Variants in ARHGAP42 observed in about 807,000 individuals in gnomAD.
ARHGAP42 encodes Rho GTPase activating protein 42, also known as rho GTPase-activating protein 42.
A neutral mutation model predicts 125.0 loss-of-function variants in ARHGAP42; 63 were observed. That is an observed-to-expected ratio of 0.50 (90% CI 0.41 to 0.62). The LOEUF (loss-of-function observed/expected upper bound fraction) is 0.62. Ranked by LOEUF, ARHGAP42 falls within the 20% of genes least tolerant of loss-of-function variation. The pLI is 0.00. For synonymous variants in ARHGAP42, 339 were observed against 351.0 expected, an observed-to-expected ratio of 0.97 and a Z score of 0.38; for missense variants, 766 against 1,024.2, an observed-to-expected ratio of 0.75 and a Z score of 3.44.
chr11:100,751,843 G>A lies in ARHGAP42; in HGVS notation c.155-18500G>A, dbSNP rs188069928. Among the ~76,000 whole-genome samples the A allele has an allele frequency of 8.0e-3, 1,148 of 143,558 alleles. 15 individuals are homozygous for A. Among genetic ancestry groups the A allele is most frequent in the African/African-American group, 0.028 (1,082 of 38,448 alleles). 94.2% of individuals were successfully genotyped at this position (143,558 alleles called of 152,430 possible). ...CGCCCAGGCTGGAGTGCAATGGTGC[G>A]ATCTTGGCTCACTGCAACCTCTGCC... On this transcript the variant is annotated intron_variant, in intron 1 of 23. Coordinates refer to ENST00000298815, the MANE Select transcript of ARHGAP42 (RefSeq NM_152432.4).
At chr11:100,742,173 C>G (rs903493975) in intron 1 of ARHGAP42, among the ~76,000 whole-genome samples, 4 of 152,190 alleles carry the variant, frequency 2.6e-5, no homozygotes, top group Admixed American at 1.3e-4. Flanking sequence ...TAATTCCTCA[C>G]CAGGCTAACT....
intron 1 of ARHGAP42, among the ~76,000 whole-genome samples, chr11:100,693,640 G>A (rs2120174263): frequency 6.6e-6 from 1 of 152,160 alleles, no homozygotes; most frequent in East Asian, 1.9e-4. Context: ...TCCTGGGTTC[G>A]GTCAGAGAAT....
intron 10 of ARHGAP42, among the ~76,000 whole-genome samples, chr11:100,948,208 C>G (rs1868074503): frequency 6.6e-6 from 1 of 151,924 alleles, no homozygotes; most frequent in Non-Finnish European, 1.5e-5. Flanking sequence ...CTGTCCTGTA[C>G]CAAAAACACT....
intron 12 of ARHGAP42, among the ~76,000 whole-genome samples, chr11:100,956,570 C>T (rs1036988499): frequency 6.3e-4 from 84 of 133,316 alleles, no homozygotes; most frequent in African/African-American, 2.2e-3. Context: ...ATCACATGAC[C>T]AAGCCTGGCT....
At chr11:100,783,153 T>G (rs1198874189) in intron 2 of ARHGAP42, among the ~76,000 whole-genome samples, 1 of 152,160 alleles carries the variant, frequency 6.6e-6, no homozygotes, top group Non-Finnish European at 1.5e-5. Context: ...ACACTAGTCT[T>G]GGCTGGTCAT....
Position 100,993,747 on chromosome 11 carries a change from A to G in ARHGAP42, c.*4946A>G, listed in dbSNP as rs1591348564. ...TAAATATAAAAGTGATTGTCCATAA[A>G]TTATCATTGAATTTTTTGTTTATTT... On this transcript the variant is annotated 3_prime_UTR_variant, in exon 24 of 24. Transcript: ENST00000298815. The G allele has an allele frequency of 6.0e-6, 1 of 167,060 alleles. No homozygotes were observed. Among genetic ancestry groups the G allele is most frequent in the African/African-American group, 2.4e-5 (1 of 41,446 alleles). 10.3% of individuals were successfully genotyped at this position (167,060 alleles called of 1,614,324 possible).
In ARHGAP42 at chr11:100,992,129, G is replaced by A. The variant is rs1858846036; in HGVS notation, c.*3328G>A. ...TTTCAGTTTAGAAGAGTCCCTCAGAGCTTTGCCTCAAGCAATTTCAAATTG... is the reference window on the plus strand; with the variant it reads ...TTTCAGTTTAGAAGAGTCCCTCAGAACTTTGCCTCAAGCAATTTCAAATTG... On this transcript the variant is annotated 3_prime_UTR_variant, in exon 24 of 24. Coordinates refer to ENST00000298815, the MANE Select transcript of ARHGAP42 (RefSeq NM_152432.4). 1.5e-6 allele frequency: 1 copy of A among 647,422 alleles called. No homozygotes were observed. Among genetic ancestry groups the A allele is most frequent in the East Asian group, 2.8e-5 (1 of 35,992 alleles). The allele number at this position is 647,422 out of a possible 1,614,324, so 40.1% of individuals were successfully genotyped here.
intron 1 of ARHGAP42, among the ~76,000 whole-genome samples, chr11:100,699,502 ATATATTTTTTTTTTTTTTTTTTTTTT>A (rs1339815335): frequency 3.7e-4 from 15 of 40,946 alleles, no homozygotes; most frequent in African/African-American, 1.1e-3. Flanking sequence ...ATATATATAT[ATATATTTTTTTTTTTTTTTTTTTTTT>A]TTTTTTTTTT....
intron 3 of ARHGAP42, among the ~76,000 whole-genome samples, chr11:100,798,458 C>T (rs999177971): frequency 6.6e-6 from 1 of 152,182 alleles, no homozygotes; most frequent in African/African-American, 2.4e-5. Context: ...CAGGAGCCTC[C>T]ACCATCAAAA....
chr11:100,973,222 G>C lies in ARHGAP42; in HGVS notation c.1598G>C (p.Gly533Ala). 1 of 1,550,846 alleles carries C rather than the reference G, an allele frequency of 6.4e-7. No homozygotes were observed. ...AATCTCATGACTGTCTCAAATCTTG[G>C]TGTCATATTTGGCCCAACTCTAATG... ...QQNLMTVSNL[G>A]VIFGPTLMRA... The change falls in exon 18 of 24, where the codon GGT becomes GCT. Residue 533 changes from glycine (G) to alanine (A), a missense_variant. By Grantham distance (60) the Gly-to-Ala change is moderately conservative. Transcript: ENST00000298815.
At chr11:100,962,297 T>G in intron 15 of ARHGAP42, 112 bp from the exon 16 acceptor site, 1 of 872,382 alleles carries the variant, frequency 1.1e-6, no homozygotes, top group Non-Finnish European at 1.7e-6. Flanking sequence ...TATGTGTTAT[T>G]TTATTTTTAA....
At chr11:100,841,104 GCATTTA>G (rs1263532979) in intron 3 of ARHGAP42, among the ~76,000 whole-genome samples, 1 of 152,152 alleles carries the variant, frequency 6.6e-6, no homozygotes, top group Non-Finnish European at 1.5e-5. Context: ...GTGTAACGAG[GCATTTA>G]CTTTATAATT....
Position 100,758,071 on chromosome 11 carries a change from A to G in ARHGAP42, c.155-12272A>G, listed in dbSNP as rs577351755. Among the ~76,000 whole-genome samples, 21 of 152,338 alleles carry G rather than the reference A, an allele frequency of 1.4e-4. No homozygotes were observed. The South Asian group carries it at 3.9e-3, about 29-fold the overall frequency. The stretch of plus-strand genomic sequence containing the variant: ...AATATTAAACACTTTCATTTGATCA[A>G]AGAAAAATCAATAAAAATATAATAG... On this transcript the variant is annotated intron_variant, in intron 1 of 23. Coordinates refer to ENST00000298815, the MANE Select transcript of ARHGAP42 (RefSeq NM_152432.4).
chr11:100,884,677 G>C (rs11224503), intron 4 of ARHGAP42, among the ~76,000 whole-genome samples: 8,293 of 152,042 alleles, frequency 0.055, 249 homozygotes, highest in Middle Eastern at 0.12. Context: ...CTGCCTCCGT[G>C]TCCCCCCAAC....
intron 4 of ARHGAP42, among the ~76,000 whole-genome samples, chr11:100,873,584 G>C (rs1031226352): frequency 1.2e-4 from 19 of 152,158 alleles, no homozygotes; most frequent in Admixed American, 6.5e-5. Flanking sequence ...GGAGAGTTTT[G>C]TGTCACATCC....
At position 100,788,450 on chromosome 11, in the gene ARHGAP42, C is replaced by T. The variant is rs992419614; in HGVS notation, c.251-6655C>T. Among the ~76,000 whole-genome samples the T allele has an allele frequency of 3.9e-5, 6 of 152,040 alleles. 1 individual carries two copies. The South Asian group carries it at 6.2e-4, about 16-fold the overall frequency. On this transcript the variant is annotated intron_variant, in intron 2 of 23. Transcript: ENST00000298815. ...GGATGTATGCCTCCAAGTACTAGGT[C>T]GTATTTACAGTGACATGCCAGTATT...
At chr11:100,857,077 T>C (rs1773068829) in intron 3 of ARHGAP42, among the ~76,000 whole-genome samples, 1 of 152,086 alleles carries the variant, frequency 6.6e-6, no homozygotes, top group Non-Finnish European at 1.5e-5. Context: ...TAATGTAGTA[T>C]TTGACGCATT....
chr11:100,700,082 A>G (rs7129917), intron 1 of ARHGAP42, among the ~76,000 whole-genome samples: 44,271 of 152,084 alleles, frequency 0.29, 6,863 homozygotes, highest in African/African-American at 0.36. Flanking sequence ...GACCACCGCA[A>G]TAAAGTGAAT....
rs1046404231 is a variant in ARHGAP42, at chr11:100,802,674, C to T, written c.312+7508C>T. Among the ~76,000 whole-genome samples, 3 of 152,240 alleles carry T rather than the reference C, an allele frequency of 2.0e-5. No individual in the cohort carries two copies. The East Asian group carries it at 5.8e-4, about 29-fold the overall frequency. On this transcript the variant is annotated intron_variant, in intron 3 of 23. Coordinates refer to ENST00000298815, the MANE Select transcript of ARHGAP42 (RefSeq NM_152432.4). ...AACTCTTGGCCTCAAGTGATCCACC[C>T]GCCTCGGTCTCCCAAAGTGCCGGGA...
Sources: gnomAD v4.1 joint callset for allele counts (sites outside exome capture counted in the v4.1 genomes callset) on GRCh38, gnomAD v4.1.1 for gene constraint, MANE v1.5 for transcripts, NCBI Gene and HGNC (gene_info 2026-07-23, HGNC 2026-07-21) for gene names.